Variants in ZNF91 observed in about 807,000 individuals in gnomAD.
ZNF91 encodes the protein zinc finger protein 91, also known as zinc finger protein 91 (HPF7, HTF10).
Under a neutral mutation model 12.6 loss-of-function variants are expected in ZNF91, and 7 were observed. The observed-to-expected ratio is 0.55, with a 90% CI of 0.31 to 1.04. The LOEUF is 1.04. Among genes scored for constraint, ZNF91 ranks in the 50% least tolerant of loss-of-function variants. The pLI is 0.05. For missense variants in ZNF91, 1,217 were observed against 1,385.4 expected (o/e 0.88, Z 1.93); for synonymous variants, 453 against 462.6 (o/e 0.98, Z 0.27).
intron 1 of ZNF91, chr19:23,325,774 G>A (rs1439439925): frequency 2.6e-5 from 4 of 152,194 alleles, no homozygotes; most frequent in African/African-American, 9.7e-5. Context: ...TGAGTCATAA[G>A]TACCTCTTGA....
Position 23,362,056 on chromosome 19 carries a change from G to C in ZNF91, c.923C>G (p.Thr308Ser), listed in dbSNP as rs200178015. The stretch of plus-strand genomic sequence containing the variant: ...ATGAATTCTCTTATGTTTAGCAAGG[G>C]TTGAAGAATGGCTAAAAGCTTTGCC... ...ECGKAFSHSS[T>S]LAKHKRIHTG... The change falls in exon 4 of 4, where the codon ACC becomes AGC. Residue 308 changes from threonine to serine, a missense_variant. Around this residue, in one of 2 missense-constraint regions of ZNF91, gnomAD observed 726 missense variants for 895.5 expected, o/e 0.81. Coordinates refer to ENST00000300619, the MANE Select transcript of ZNF91 (RefSeq NM_003430.4). 1.8e-4 allele frequency: 292 copies of C among 1,612,666 alleles called. No individual in the cohort carries two copies. The highest frequency in any genetic ancestry group is 2.0e-4 in the Non-Finnish European group (236 of 1,179,608).
chr19:23,308,226 C>T (rs1317640975), intron 2 of ZNF91: 1 of 152,176 alleles, frequency 6.6e-6, no homozygotes, highest in Non-Finnish European at 1.5e-5. Flanking sequence ...GACCTTGTGA[C>T]ATGTCTCTGC....
chr19:23,351,093 A>C (rs1028633951), intron 3 of ZNF91, among the ~76,000 whole-genome samples: 2 of 152,150 alleles, frequency 1.3e-5, no homozygotes, highest in Non-Finnish European at 2.9e-5. Flanking sequence ...TGGGAGGCCG[A>C]GGTGGACGGA....
intron 3 of ZNF91, among the ~76,000 whole-genome samples, chr19:23,341,445 T>G (rs1968122614): frequency 6.6e-6 from 1 of 152,182 alleles, no homozygotes; most frequent in South Asian, 2.1e-4. Context: ...GCACATTTAT[T>G]GCAGCATGCT....
chr19:23,376,254 A>T (rs1413480813), intron 1 of ZNF91, among the ~76,000 whole-genome samples: 1 of 152,196 alleles, frequency 6.6e-6, no homozygotes, highest in African/African-American at 2.4e-5. Context: ...CAAAGAGAAC[A>T]TTTTTAATAT....
chr19:23,383,882 C>T (rs11085579), intron 1 of ZNF91, among the ~76,000 whole-genome samples: 28,635 of 151,980 alleles, frequency 0.19, 2,919 homozygotes, highest in Non-Finnish European at 0.21. Context: ...GAGGCCAAGG[C>T]GGGTGGATCA....
intron 1 of ZNF91, among the ~76,000 whole-genome samples, chr19:23,320,537 G>A (rs1374244595): frequency 1.3e-5 from 2 of 152,124 alleles, no homozygotes; most frequent in Admixed American, 1.3e-4. Flanking sequence ...GGGAGAAAGT[G>A]AATAAAGAAG....
chr19:23,352,211 A>G (rs1968383090), intron 3 of ZNF91, among the ~76,000 whole-genome samples: 1 of 152,144 alleles, frequency 6.6e-6, no homozygotes, highest in African/African-American at 2.4e-5. Context: ...GCAAAGTGAA[A>G]GTGAGACCCG....
Position 23,357,958 on chromosome 19 carries a change from C to T in ZNF91, c.*1445G>A, listed in dbSNP as rs1968536171. ...GTATCCACAAAAATTAAGTCAAATA[C>T]ATTTAAATGAGAAAATAAAAATAAA... is the stretch of plus-strand genomic sequence containing the variant. On this transcript the variant is annotated 3_prime_UTR_variant, in exon 4 of 4. Transcript: ENST00000300619. 1 of 151,988 alleles carries T rather than the reference C, an allele frequency of 6.6e-6. No individual in the cohort carries two copies. The highest frequency in any genetic ancestry group is 1.5e-5 in the Non-Finnish European group (1 of 67,954). 9.4% of individuals were successfully genotyped at this position (151,988 alleles called of 1,614,324 possible). A position where few individuals can be genotyped will look rare whatever the true frequency, so the allele number is the denominator to read the frequency against.
chr19:23,345,464 T>C (rs1029266596), intron 3 of ZNF91, among the ~76,000 whole-genome samples: 2 of 152,210 alleles, frequency 1.3e-5, no homozygotes, highest in Non-Finnish European at 2.9e-5. Context: ...TTATTGCTGA[T>C]GACTGGAAAA....
intron 3 of ZNF91, among the ~76,000 whole-genome samples, chr19:23,306,565 C>G (rs1405704189): frequency 1.3e-5 from 2 of 152,192 alleles, no homozygotes; most frequent in Non-Finnish European, 2.9e-5. Flanking sequence ...ATATGTGACT[C>G]CCTTGTCTGT....
At chr19:23,373,354 AT>A (rs1969361802) in intron 3 of ZNF91, among the ~76,000 whole-genome samples, 1 of 45,614 alleles carries the variant, frequency 2.2e-5, no homozygotes, top group Non-Finnish European at 4.4e-5. Flanking sequence ...TCTTATATAT[AT>A]ATATATATAT....
At chr19:23,320,039 A>ACAG (rs1967654938) in intron 1 of ZNF91, among the ~76,000 whole-genome samples, 1 of 152,180 alleles carries the variant, frequency 6.6e-6, no homozygotes, top group African/African-American at 2.4e-5. Flanking sequence ...GAAATACTGT[A>ACAG]TTTCTGGTAT....
chr19:23,337,225 G>C (rs1968028660), downstream of ZNF91, among the ~76,000 whole-genome samples: 1 of 151,856 alleles, frequency 6.6e-6, no homozygotes, highest in Admixed American at 6.6e-5. Context: ...CTTAGACTTA[G>C]ACTTAGAATT....
intron 2 of ZNF91, chr19:23,307,722 C>G (rs1967416250): frequency 6.6e-6 from 1 of 152,286 alleles, no homozygotes; most frequent in South Asian, 2.1e-4. Flanking sequence ...TGAGATATCT[C>G]TGGGCCCCTC....
chr19:23,317,139 G>A (rs541698213), intron 1 of ZNF91, among the ~76,000 whole-genome samples: 4 of 151,870 alleles, frequency 2.6e-5, no homozygotes, highest in African/African-American at 4.8e-5. Context: ...TCCGCCTCCC[G>A]GGTTCATGCC....
At chr19:23,349,736 C>T (rs928879117) in intron 3 of ZNF91, among the ~76,000 whole-genome samples, 7 of 152,166 alleles carry the variant, frequency 4.6e-5, no homozygotes, top group African/African-American at 1.2e-4. Flanking sequence ...CTGGATTCAT[C>T]GCACTAGGGT....
At chr19:23,381,733 T>C (rs1401918698) in intron 1 of ZNF91, among the ~76,000 whole-genome samples, 2 of 152,256 alleles carry the variant, frequency 1.3e-5, no homozygotes, top group African/African-American at 4.8e-5. Context: ...GTGCTGGGAT[T>C]ACCAGCATGA....
downstream of ZNF91, among the ~76,000 whole-genome samples, chr19:23,354,100 G>A (rs1487613690): frequency 6.6e-6 from 1 of 152,186 alleles, no homozygotes; most frequent in East Asian, 1.9e-4. Context: ...TATGAGGTCA[G>A]CATCACCCTA....
Sources: gnomAD v4.1 joint callset for allele counts (sites outside exome capture counted in the v4.1 genomes callset) on GRCh38, gnomAD v4.1.1 for gene constraint, gnomAD v4.1.1 regional missense constraint, MANE v1.5 for transcripts, NCBI Gene and HGNC (gene_info 2026-07-23, HGNC 2026-07-21) for gene names.